Variants in RNLS observed in about 807,000 individuals in gnomAD.
RNLS encodes renalase, FAD dependent amine oxidase, also known as renalase.
RNLS carries 39 observed loss-of-function variants against 39.8 expected under a neutral mutation model. The observed-to-expected ratio is 0.98, with a 90% CI of 0.76 to 1.28. RNLS has a LOEUF of 1.28. Ranked by LOEUF, RNLS falls within the 50% of genes most tolerant of loss-of-function variation. RNLS has a pLI of 0.00. For missense variants in RNLS, 410 were observed against 413.3 expected, an observed-to-expected ratio of 0.99 and a Z score of 0.07; for synonymous variants, 147 against 150.7, an observed-to-expected ratio of 0.98 and a Z score of 0.18.
At chr10:88,258,885 C>T in the RNLS span, among the ~76,000 whole-genome samples, 1 of 152,206 alleles carries the variant, frequency 6.6e-6, no homozygotes, top group South Asian at 2.1e-4. Flanking sequence ...TGCTCTGCTG[C>T]TGTGATTGTG....
chr10:88,219,314 A>G, the RNLS span, among the ~76,000 whole-genome samples: 2 of 152,218 alleles, frequency 1.3e-5, no homozygotes, highest in African/African-American at 4.8e-5. Flanking sequence ...TTAGTAGGTC[A>G]ACATGCCCTT....
rs148379464 is a variant in RNLS, at chr10:88,511,732, C to T, written c.526+61171G>A. ...AGTATTTAAAGAAGGCAGGAGTGAT[C>T]GTGATCTACACTCAAATGCTCCAGG... On this transcript the variant is annotated intron_variant, in intron 4 of 6. Transcript: ENST00000331772. Among the ~76,000 whole-genome samples, 133 of 147,746 alleles carry T rather than the reference C, an allele frequency of 9.0e-4. No homozygotes were observed. In the East Asian group the frequency reaches 9.8e-3, roughly 11 times the overall value.
intron 4 of RNLS, among the ~76,000 whole-genome samples, chr10:88,459,343 T>C (rs1207260828): frequency 6.6e-6 from 1 of 152,138 alleles, no homozygotes; most frequent in East Asian, 1.9e-4. Flanking sequence ...GGTCCATTAG[T>C]GGATAAATTC....
At chr10:88,301,069 T>G (rs1186980298) in intron 6 of RNLS, among the ~76,000 whole-genome samples, 1 of 152,164 alleles carries the variant, frequency 6.6e-6, no homozygotes, top group Non-Finnish European at 1.5e-5. Context: ...TATTTGCTGG[T>G]CAAAATAATT....
chr10:88,395,778 A>T (rs1197122746), intron 4 of RNLS, among the ~76,000 whole-genome samples: 1 of 152,142 alleles, frequency 6.6e-6, no homozygotes, highest in East Asian at 1.9e-4. Context: ...AGAGAGATTC[A>T]TACCTATATG....
chr10:88,341,097 A>AGGC (rs1432324167), intron 5 of RNLS, among the ~76,000 whole-genome samples: 1 of 149,678 alleles, frequency 6.7e-6, no homozygotes, highest in Non-Finnish European at 1.5e-5. Context: ...TGGGAGGCCT[A>AGGC]GGCGGGCGGA....
downstream of RNLS, among the ~76,000 whole-genome samples, chr10:88,279,469 G>C (rs996414230): frequency 6.6e-6 from 1 of 152,118 alleles, no homozygotes; most frequent in South Asian, 2.1e-4. Context: ...AGGGCCCTGC[G>C]GCTCGAGACA....
At chr10:88,193,032 AG>A in the RNLS span, among the ~76,000 whole-genome samples, 1 of 152,186 alleles carries the variant, frequency 6.6e-6, no homozygotes, top group African/African-American at 2.4e-5. Flanking sequence ...TTTGTGAATA[AG>A]GAGAGGTGAT....
At chr10:88,364,262 A>G (rs2133379710) in intron 4 of RNLS, among the ~76,000 whole-genome samples, 1 of 152,286 alleles carries the variant, frequency 6.6e-6, no homozygotes, top group Non-Finnish European at 1.5e-5. Flanking sequence ...GGATAAGTGA[A>G]CCTCAAGGAT....
chr10:88,211,567 G>A, the RNLS span, among the ~76,000 whole-genome samples: 3 of 152,180 alleles, frequency 2.0e-5, no homozygotes, highest in African/African-American at 7.2e-5. Flanking sequence ...TTTGTGAATA[G>A]GAGTCAGCCA....
intron 4 of RNLS, among the ~76,000 whole-genome samples, chr10:88,437,076 T>A (rs1841451382): frequency 6.6e-6 from 1 of 152,092 alleles, no homozygotes; most frequent in Non-Finnish European, 1.5e-5. Flanking sequence ...TGAACAAGAG[T>A]GAAAATTGCA....
At chr10:88,464,009 G>A (rs1287085967) in intron 4 of RNLS, among the ~76,000 whole-genome samples, 1 of 152,034 alleles carries the variant, frequency 6.6e-6, no homozygotes, top group Non-Finnish European at 1.5e-5. Flanking sequence ...ACAATGAAAA[G>A]AGTGCCAAGC....
chr10:88,441,585 T>G (rs574775323), intron 4 of RNLS, among the ~76,000 whole-genome samples: 1 of 152,284 alleles, frequency 6.6e-6, no homozygotes, highest in East Asian at 1.9e-4. Flanking sequence ...TATTTAGAAT[T>G]AATTCTATTT....
At chr10:88,312,790 A>G (rs1223511360) in intron 6 of RNLS, among the ~76,000 whole-genome samples, 2 of 151,774 alleles carry the variant, frequency 1.3e-5, no homozygotes, top group Non-Finnish European at 2.9e-5. Context: ...TTTTTTCAGA[A>G]CAGTTTTAGG....
the RNLS span, among the ~76,000 whole-genome samples, chr10:88,182,773 G>C: frequency 1.2e-3 from 183 of 152,182 alleles, 1 homozygote; most frequent in African/African-American, 4.2e-3. Flanking sequence ...TTCTTGACAA[G>C]TAATTTCATC....
chr10:88,367,494 T>C (rs1378520369), intron 4 of RNLS, among the ~76,000 whole-genome samples: 2 of 152,188 alleles, frequency 1.3e-5, no homozygotes, highest in East Asian at 3.9e-4. Flanking sequence ...GGATTGTTTG[T>C]AGATTTTGGT....
chr10:88,581,706 A>C lies in RNLS; in HGVS notation c.228T>G (p.Phe76Leu). 1 of 1,561,692 alleles carries C rather than the reference A, an allele frequency of 6.4e-7. No homozygotes were observed. Among genetic ancestry groups the C allele is most frequent in the Non-Finnish European group, 8.6e-7 (1 of 1,158,072 alleles). The change falls in exon 3 of 7, where the codon TTT becomes TTG. Residue 76 changes from phenylalanine (F) to leucine (L), a missense_variant. By Grantham distance (22) the Phe-to-Leu change is conservative. Transcript: ENST00000331772. ...CGCCATAGGCTAACAGTTCATCATAAAAACTGAAATAAATCAATATGTATA... is the reference window on the plus strand; with the variant it reads ...CGCCATAGGCTAACAGTTCATCATACAAACTGAAATAAATCAATATGTATA... ...TPHYAKKHQR[F>L]YDELLAYGVL...
At chr10:88,303,329 G>A (rs182827660) in intron 6 of RNLS, among the ~76,000 whole-genome samples, 141 of 152,332 alleles carry the variant, frequency 9.3e-4, no homozygotes, top group Admixed American at 1.8e-3. Context: ...GGAGACTTTA[G>A]CTCTAGAGGA....
At chr10:88,331,766 C>G (rs1847130420) in intron 5 of RNLS, among the ~76,000 whole-genome samples, 1 of 152,148 alleles carries the variant, frequency 6.6e-6, no homozygotes, top group South Asian at 2.1e-4. Flanking sequence ...CTGGCTGGCT[C>G]AACTGCCCTC....
Sources: gnomAD v4.1 joint callset for allele counts (sites outside exome capture counted in the v4.1 genomes callset) on GRCh38, gnomAD v4.1.1 for gene constraint, MANE v1.5 for transcripts, NCBI Gene and HGNC (gene_info 2026-07-23, HGNC 2026-07-21) for gene names.